The following FOXP1 variants were observed in gnomAD, a reference collection of about 807,000 sequenced individuals.
FOXP1 encodes forkhead box protein P1.
A neutral mutation model predicts 98.2 loss-of-function variants in FOXP1; 15 were observed. The observed-to-expected ratio is 0.15, with a 90% CI of 0.10 to 0.24. The LOEUF (loss-of-function observed/expected upper bound fraction) is 0.24, where lower values mean the gene tolerates loss of function less well. Ranked by LOEUF, FOXP1 falls within the 10% of genes least tolerant of loss-of-function variation. The pLI is 1.00. For missense variants in FOXP1, 633 were observed against 848.5 expected (o/e 0.75, Z 3.15); for synonymous variants, 371 against 314.5 (o/e 1.18, Z -1.90).
At chr3:71,162,690 C>T (rs2061200536) in intron 6 of FOXP1, among the ~76,000 whole-genome samples, 1 of 152,158 alleles carries the variant, frequency 6.6e-6, no homozygotes, top group African/African-American at 2.4e-5. Flanking sequence ...AAGCCCCACC[C>T]ATTGTTACTT....
intron 3 of FOXP1, among the ~76,000 whole-genome samples, chr3:71,461,472 C>T (rs892953771): frequency 6.6e-5 from 10 of 151,400 alleles, no homozygotes; most frequent in Non-Finnish European, 1.5e-4. Flanking sequence ...CCAGCCTGGG[C>T]GACAGAATGA....
chr3:71,499,903 AAAG>A (rs1404067098), intron 2 of FOXP1, among the ~76,000 whole-genome samples: 4 of 152,224 alleles, frequency 2.6e-5, no homozygotes, highest in African/African-American at 9.6e-5. Flanking sequence ...TAGGCTAGGA[AAAG>A]AAGAACAAAT....
chr3:71,418,173 A>G (rs139686097), intron 3 of FOXP1, among the ~76,000 whole-genome samples: 9 of 152,068 alleles, frequency 5.9e-5, no homozygotes, highest in Non-Finnish European at 1.3e-4. Flanking sequence ...ACCTAAAGCC[A>G]AAGGGATTTC....
At chr3:71,223,415 GC>G (rs1331528761) in intron 5 of FOXP1, among the ~76,000 whole-genome samples, 2 of 152,028 alleles carry the variant, frequency 1.3e-5, no homozygotes, top group African/African-American at 2.4e-5. Flanking sequence ...TTTCATTCTA[GC>G]CGGGTGCGGT....
intron 12 of FOXP1, among the ~76,000 whole-genome samples, chr3:71,009,712 C>T (rs1341042356): frequency 6.6e-6 from 1 of 151,984 alleles, no homozygotes; most frequent in Non-Finnish European, 1.5e-5. Flanking sequence ...CTAGTATGGG[C>T]TAGGCAGTTT....
At chr3:71,093,134 G>A (rs528065748) in intron 7 of FOXP1, among the ~76,000 whole-genome samples, 30 of 151,836 alleles carry the variant, frequency 2.0e-4, no homozygotes, top group African/African-American at 7.0e-4. Flanking sequence ...AGTGGCACAC[G>A]CCTCAGCTAC....
intron 12 of FOXP1, among the ~76,000 whole-genome samples, chr3:71,004,879 T>C (rs1406413560): frequency 6.6e-6 from 1 of 152,058 alleles, no homozygotes; most frequent in African/African-American, 2.4e-5. Flanking sequence ...TTTTTTATAA[T>C]GACACTGAGA....
intron 19 of FOXP1, chr3:70,969,197 T>C (rs1022521779): frequency 6.6e-6 from 1 of 151,614 alleles, no homozygotes; most frequent in Non-Finnish European, 1.5e-5. Flanking sequence ...ATATTCCAGA[T>C]AGAGCAGGCT....
intron 3 of FOXP1, among the ~76,000 whole-genome samples, chr3:71,482,051 T>C (rs2106862358): frequency 6.6e-6 from 1 of 152,312 alleles, no homozygotes; most frequent in East Asian, 1.9e-4. Context: ...CACATGCACA[T>C]CTGATCACTC....
In FOXP1 at chr3:71,425,095, G is replaced by GT. The variant is rs35605533; in HGVS notation, c.-167-65852dup. On this transcript the variant is annotated intron_variant, in intron 3 of 20. Transcript: ENST00000649528. ...ATCTACAAGGTGTCTTCATTTTCCTGTTTTTTTTTGTTTCGTTTTGTTTTG... is the reference window on the plus strand; with the variant it reads ...ATCTACAAGGTGTCTTCATTTTCCTGTTTTTTTTTTGTTTCGTTTTGTTTTG... 9.9e-3 allele frequency among the ~76,000 whole-genome samples: 1,498 copies of GT among 151,050 alleles called. 26 individuals are homozygous for GT. The highest frequency in any genetic ancestry group is 0.032 in the African/African-American group (1,300 of 41,136).
intron 3 of FOXP1, among the ~76,000 whole-genome samples, chr3:71,489,954 C>A (rs1464047403): frequency 2.0e-5 from 3 of 152,172 alleles, no homozygotes; most frequent in South Asian, 2.1e-4. Flanking sequence ...AGGACACTTA[C>A]CATGAAACAC....
intron 6 of FOXP1, among the ~76,000 whole-genome samples, chr3:71,120,048 C>T (rs2058648848): frequency 6.6e-6 from 1 of 152,156 alleles, no homozygotes; most frequent in Non-Finnish European, 1.5e-5. Context: ...ATTAGATACA[C>T]AAGAGAAGAA....
intron 3 of FOXP1, among the ~76,000 whole-genome samples, chr3:71,442,524 G>T (rs1471890086): frequency 7.9e-5 from 12 of 152,180 alleles, no homozygotes; most frequent in Non-Finnish European, 1.5e-5. Flanking sequence ...CAGTGAGTTG[G>T]GTGCTGGGAT....
At chr3:71,393,730 G>A (rs1287737376) in intron 3 of FOXP1, among the ~76,000 whole-genome samples, 4 of 152,084 alleles carry the variant, frequency 2.6e-5, no homozygotes. Flanking sequence ...CTTTTGAAAG[G>A]GTGTCTGTGA....
At chr3:71,543,020 T>A (rs532881704) in intron 2 of FOXP1, among the ~76,000 whole-genome samples, 1 of 152,312 alleles carries the variant, frequency 6.6e-6, no homozygotes, top group East Asian at 1.9e-4. Flanking sequence ...GCCCGCACAA[T>A]ACTGACATAA....
chr3:71,336,255 T>A (rs1305557514), intron 4 of FOXP1, among the ~76,000 whole-genome samples: 5 of 125,594 alleles, frequency 4.0e-5, no homozygotes, highest in Admixed American at 2.8e-4. Context: ...ACATAAAAAA[T>A]TTTTAGTTTA....
intron 3 of FOXP1, among the ~76,000 whole-genome samples, chr3:71,403,984 T>C (rs998278299): frequency 6.6e-6 from 1 of 152,106 alleles, no homozygotes; most frequent in Admixed American, 6.5e-5. Context: ...CTTTCAATAA[T>C]ATTAACATGA....
At chr3:71,265,519 A>C (rs2069552647) in intron 5 of FOXP1, among the ~76,000 whole-genome samples, 1 of 152,208 alleles carries the variant, frequency 6.6e-6, no homozygotes, top group Non-Finnish European at 1.5e-5. Context: ...ATGGTTCTCT[A>C]GGAGGAAACA....
chr3:71,532,978 G>A (rs2043979746), intron 2 of FOXP1, among the ~76,000 whole-genome samples: 1 of 152,176 alleles, frequency 6.6e-6, no homozygotes, highest in African/African-American at 2.4e-5. Context: ...TCAAAGCATA[G>A]GACCCTGGTT....
Sources: gnomAD v4.1 joint callset for allele counts (sites outside exome capture counted in the v4.1 genomes callset) on GRCh38, gnomAD v4.1.1 for gene constraint, MANE v1.5 for transcripts, NCBI Gene and HGNC (gene_info 2026-07-23, HGNC 2026-07-21) for gene names.